PTPRD: variants seen among roughly 807,000 people sequenced by gnomAD.
PTPRD encodes receptor-type tyrosine-protein phosphatase delta.
A neutral mutation model predicts 214.5 loss-of-function variants in PTPRD; 34 were observed. That is an observed-to-expected ratio of 0.16 (90% confidence interval 0.12 to 0.21). The LOEUF (loss-of-function observed/expected upper bound fraction) is 0.21. Ranked by LOEUF, PTPRD falls within the 10% of genes least tolerant of loss-of-function variation. The pLI is 1.00. For missense variants in PTPRD, 2,545 were observed against 2,398.7 expected (o/e 1.06, Z -1.27); for synonymous variants, 1,128 against 845.7 (o/e 1.33, Z -5.79).
At chr9:9,595,991 T>A (rs2093322691) in intron 7 of PTPRD, among the ~76,000 whole-genome samples, 1 of 152,024 alleles carries the variant, frequency 6.6e-6, no homozygotes, top group Non-Finnish European at 1.5e-5. Context: ...TTAGTATCCA[T>A]CACAAGGGAT....
In PTPRD at chr9:9,459,053, G is replaced by C. The variant is rs1196085962; in HGVS notation, c.-236-61571C>G. 2.0e-5 allele frequency among the ~76,000 whole-genome samples: 3 copies of C among 152,170 alleles called. No homozygotes were observed. In the East Asian group the frequency reaches 5.8e-4, roughly 30 times the overall value. ...AGCCAGGACCTATCAGAGAGCCCAC[G>C]TGAAGAAGCTGGGGTGTGGAAAAGG... On this transcript the variant is annotated intron_variant, in intron 8 of 45. Transcript: ENST00000381196.
chr9:9,917,887 ACT>A (rs1474595780), intron 5 of PTPRD, among the ~76,000 whole-genome samples: 2 of 151,198 alleles, frequency 1.3e-5, no homozygotes, highest in Non-Finnish European at 3.0e-5. Context: ...AATGATTTAA[ACT>A]CTAAATTAAT....
chr9:10,095,689 CATT>C (rs1278345440), intron 3 of PTPRD, among the ~76,000 whole-genome samples: 1 of 151,436 alleles, frequency 6.6e-6, no homozygotes, highest in African/African-American at 2.4e-5. Context: ...ACTTCAAAGT[CATT>C]ATGTGTTACA....
intron 9 of PTPRD, among the ~76,000 whole-genome samples, chr9:9,319,841 C>A (rs928235277): frequency 6.6e-6 from 1 of 152,102 alleles, no homozygotes; most frequent in Non-Finnish European, 1.5e-5. Context: ...GAATAATTTA[C>A]AATTTAATTT....
intron 9 of PTPRD, among the ~76,000 whole-genome samples, chr9:9,287,040 C>T (rs1222336510): frequency 2.7e-5 from 4 of 149,786 alleles, no homozygotes; most frequent in African/African-American, 7.3e-5. Flanking sequence ...GCCTGGCCAA[C>T]ATGGCAAAAC....
chr9:8,366,830 A>G (rs185389093), intron 39 of PTPRD, among the ~76,000 whole-genome samples: 1 of 152,346 alleles, frequency 6.6e-6, no homozygotes, highest in East Asian at 1.9e-4. Context: ...ATCATAGCAC[A>G]AAAGACTAGC....
intron 30 of PTPRD, among the ~76,000 whole-genome samples, chr9:8,481,109 C>T (rs1010112036): frequency 9.5e-5 from 13 of 136,660 alleles, no homozygotes; most frequent in African/African-American, 1.7e-4. Flanking sequence ...CACTGCACGC[C>T]GGCCTGGGCA....
chr9:8,755,890 C>G (rs952356369), intron 11 of PTPRD, among the ~76,000 whole-genome samples: 1 of 152,106 alleles, frequency 6.6e-6, no homozygotes, highest in Non-Finnish European at 1.5e-5. Flanking sequence ...AGTAACTAGC[C>G]TCTAATAAAT....
intron 5 of PTPRD, among the ~76,000 whole-genome samples, chr9:9,917,947 A>T (rs2081406330): frequency 6.6e-6 from 1 of 152,072 alleles, no homozygotes; most frequent in Admixed American, 6.6e-5. Flanking sequence ...CATATATGAC[A>T]AACCCAAAAC....
chr9:9,307,955 G>A lies in PTPRD; in HGVS notation c.-203+89494C>T, dbSNP rs1180010830. ...TGCTTGGGATAACCCTCCCCACGCTGTGTAATAGCAGACAAGCTATCCTGC... is the reference window on the plus strand; with the variant it reads ...TGCTTGGGATAACCCTCCCCACGCTATGTAATAGCAGACAAGCTATCCTGC... On this transcript the variant is annotated intron_variant, in intron 9 of 45. Coordinates refer to ENST00000381196, the MANE Select transcript of PTPRD (RefSeq NM_002839.4). Among the ~76,000 whole-genome samples the A allele has an allele frequency of 2.0e-5, 3 of 152,066 alleles. No individual in the cohort carries two copies. The East Asian group carries it at 5.8e-4, about 29-fold the overall frequency.
intron 9 of PTPRD, among the ~76,000 whole-genome samples, chr9:9,233,173 A>C (rs1330263415): frequency 6.6e-6 from 1 of 152,124 alleles, no homozygotes; most frequent in Non-Finnish European, 1.5e-5. Flanking sequence ...AGTTCCACAA[A>C]GCTGGCGAGG....
chr9:8,707,413 G>A (rs886750875), intron 12 of PTPRD, among the ~76,000 whole-genome samples: 18 of 152,204 alleles, frequency 1.2e-4, no homozygotes, highest in African/African-American at 3.9e-4. Flanking sequence ...TCTGTGATTT[G>A]AGTTACTTCA....
intron 33 of PTPRD, chr9:8,451,897 C>T (rs551393244): frequency 1.1e-4 from 54 of 501,488 alleles, no homozygotes; most frequent in Non-Finnish European, 2.0e-4. Context: ...TTTACTCTTA[C>T]AGGTATTGTA....
chr9:8,989,996 C>A (rs7027339), intron 11 of PTPRD, among the ~76,000 whole-genome samples: 99,061 of 152,084 alleles, frequency 0.65, 32,862 homozygotes, highest in East Asian at 0.92. Context: ...AATGAACTAT[C>A]ATAAAACCAT....
At chr9:10,262,356 T>A (rs140374406) in intron 3 of PTPRD, among the ~76,000 whole-genome samples, 120 of 152,312 alleles carry the variant, frequency 7.9e-4, no homozygotes, top group African/African-American at 2.4e-3. Context: ...AGAGTGCATC[T>A]CATTTACTCA....
chr9:10,460,393 T>G (rs2098949973), intron 2 of PTPRD, among the ~76,000 whole-genome samples: 1 of 150,584 alleles, frequency 6.6e-6, no homozygotes, highest in African/African-American at 2.4e-5. Context: ...AAAATTTGTA[T>G]GAAACCACAA....
At chr9:9,931,824 CCTGT>C (rs1474205328) in intron 5 of PTPRD, among the ~76,000 whole-genome samples, 1 of 150,910 alleles carries the variant, frequency 6.6e-6, no homozygotes, top group Non-Finnish European at 1.5e-5. Flanking sequence ...CTTAAATGTC[CCTGT>C]CTGACAGCTT....
At chr9:8,805,043 C>G (rs1042747930) in intron 11 of PTPRD, among the ~76,000 whole-genome samples, 8 of 152,122 alleles carry the variant, frequency 5.3e-5, no homozygotes, top group Non-Finnish European at 1.0e-4. Flanking sequence ...TAGAAATTCC[C>G]ATGGAACTTC....
chr9:9,019,833 T>G (rs2099556378), intron 10 of PTPRD, among the ~76,000 whole-genome samples: 1 of 152,202 alleles, frequency 6.6e-6, no homozygotes, highest in Admixed American at 6.5e-5. Flanking sequence ...CTCTAAAAAC[T>G]GGGCACCGAT....
Sources: gnomAD v4.1 joint callset for allele counts (sites outside exome capture counted in the v4.1 genomes callset) on GRCh38, gnomAD v4.1.1 for gene constraint, MANE v1.5 for transcripts, NCBI Gene and HGNC (gene_info 2026-07-23, HGNC 2026-07-21) for gene names.